The following RTTN variants were observed in gnomAD, a reference collection of about 807,000 sequenced individuals.
RTTN encodes the protein rotatin.
In RTTN, 182 loss-of-function variants were observed where a neutral mutation model predicts 269.2. That is an observed-to-expected ratio of 0.68 (90% confidence interval 0.60 to 0.76). The LOEUF is 0.76. Among genes scored for constraint, RTTN ranks in the 30% least tolerant of loss-of-function variants. RTTN has a pLI of 0.00. For synonymous variants in RTTN, 1,006 were observed against 963.5 expected, an observed-to-expected ratio of 1.04 and a Z score of -0.82; for missense variants, 2,545 against 2,608.6, an observed-to-expected ratio of 0.98 and a Z score of 0.53.
intron 28 of RTTN, among the ~76,000 whole-genome samples, chr18:70,094,003 T>C (rs569906059): frequency 6.6e-6 from 1 of 152,230 alleles, no homozygotes; most frequent in Non-Finnish European, 1.5e-5. Flanking sequence ...GGAATTCAAC[T>C]TCTTCCTGGT....
At chr18:70,182,091 A>G (rs2061433139) in intron 10 of RTTN, among the ~76,000 whole-genome samples, 2 of 152,210 alleles carry the variant, frequency 1.3e-5, no homozygotes, top group South Asian at 4.1e-4. Flanking sequence ...ATATGTGAAA[A>G]ATCTCCTAAA....
chr18:70,095,788 C>T (rs112927330), intron 28 of RTTN, among the ~76,000 whole-genome samples: 4,017 of 152,012 alleles, frequency 0.026, 187 homozygotes, highest in African/African-American at 0.092. Flanking sequence ...TTGCTCTTCT[C>T]GGGGAGCATG....
chr18:70,135,761 G>A (rs778675310), intron 21 of RTTN, among the ~76,000 whole-genome samples: 7 of 152,088 alleles, frequency 4.6e-5, no homozygotes, highest in Non-Finnish European at 7.4e-5. Context: ...GTTATCCTTG[G>A]GCTGTGTCAT....
chr18:70,150,110 T>C (rs765150041), intron 15 of RTTN, 23 bp from the exon 16 acceptor site: 2 of 1,498,724 alleles, frequency 1.3e-6, no homozygotes, highest in Non-Finnish European at 9.3e-7. Flanking sequence ...ACAGACCCGA[T>C]AAACCAGTCA....
chr18:70,143,661 G>C (rs1318097192), intron 18 of RTTN, among the ~76,000 whole-genome samples: 1 of 152,040 alleles, frequency 6.6e-6, no homozygotes, highest in African/African-American at 2.4e-5. Flanking sequence ...CTTAGTACCA[G>C]GGTGACGAAA....
chr18:70,134,398 A>T (rs2060071393), intron 23 of RTTN, 75 bp downstream of exon 23: 4 of 1,137,900 alleles, frequency 3.5e-6, no homozygotes, highest in Non-Finnish European at 5.2e-6. Context: ...AAATTGTGAC[A>T]AATTATAGAT....
chr18:70,041,421 C>G (rs763682874), intron 40 of RTTN, among the ~76,000 whole-genome samples: 2 of 151,320 alleles, frequency 1.3e-5, no homozygotes, highest in Non-Finnish European at 2.9e-5. Context: ...AACGAGAAAG[C>G]AGATGGATGA....
intron 23 of RTTN, chr18:70,130,573 A>C (rs2059973388): frequency 1.4e-5 from 2 of 143,894 alleles, no homozygotes; most frequent in African/African-American, 5.1e-5. Context: ...GTGGGAGCTA[A>C]AAAAAAAAAA....
intron 37 of RTTN, 131 bp downstream of exon 37, chr18:70,057,611 G>T: frequency 1.6e-6 from 1 of 628,970 alleles, no homozygotes; most frequent in Non-Finnish European, 2.8e-6. Flanking sequence ...AACGTATTTC[G>T]AATAATCTCA....
At chr18:70,086,776 A>G in intron 31 of RTTN, 92 bp from the exon 32 acceptor site, 1 of 1,176,822 alleles carries the variant, frequency 8.5e-7, no homozygotes, top group Non-Finnish European at 1.2e-6. Context: ...AATAACCAAT[A>G]TATTGTAATT....
At position 70,176,749 on chromosome 18, in the gene RTTN, G is replaced by A. The variant is rs770770297; in HGVS notation, c.1402C>T (p.His468Tyr). The stretch of plus-strand genomic sequence containing the variant: ...ATGCTGATAAAGGCCATTCTGTGGT[G>A]CACAAGCATCACCTCTGGCTGCTCC... Reference protein sequence around the residue: ...SLEQPEVMLVHHRMAFISISL... With the variant: ...SLEQPEVMLVYHRMAFISISL... The change falls in exon 11 of 49, where the codon CAC becomes TAC. Residue 468 changes from histidine to tyrosine, a missense_variant. Transcript: ENST00000640769. 2.5e-6 allele frequency: 4 copies of A among 1,613,986 alleles called. No homozygotes were observed. The highest frequency in any genetic ancestry group is 1.1e-5 in the South Asian group (1 of 91,062).
intron 38 of RTTN, among the ~76,000 whole-genome samples, chr18:70,051,865 T>C (rs943879353): frequency 1.4e-4 from 21 of 152,162 alleles, no homozygotes; most frequent in African/African-American, 5.1e-4. Flanking sequence ...GAACTACATA[T>C]TGGCACATTA....
At chr18:70,086,889 C>A (rs1157747823) in intron 31 of RTTN, among the ~76,000 whole-genome samples, 1 of 151,834 alleles carries the variant, frequency 6.6e-6, no homozygotes, top group Non-Finnish European at 1.5e-5. Context: ...AGGTAATGAC[C>A]TTGTTAGGTA....
chr18:70,074,638 T>C (rs2058381837), intron 33 of RTTN: 1 of 151,984 alleles, frequency 6.6e-6, no homozygotes, highest in South Asian at 2.1e-4. Context: ...TTTTGTACTA[T>C]TCCTGAAGCT....
chr18:70,049,102 T>C (rs957707227), intron 39 of RTTN, among the ~76,000 whole-genome samples: 1 of 152,212 alleles, frequency 6.6e-6, no homozygotes, highest in Non-Finnish European at 1.5e-5. Context: ...CAGCAAACTT[T>C]TTCTGTAAAG....
Position 70,140,101 on chromosome 18 carries a change from T to C in RTTN, c.2669A>G (p.Lys890Arg). ...TGTCTAGATGCACATTAGCCTTACCTTGCCATCTTGACTCACACATTCATT... is the reference window on the plus strand; with the variant it reads ...TGTCTAGATGCACATTAGCCTTACCCTGCCATCTTGACTCACACATTCATT... Reference protein sequence around the residue: ...YLNECVSQDGKVVECLVQPCL... With the variant: ...YLNECVSQDGRVVECLVQPCL... Residue 890 changes from lysine to arginine, a missense_variant and splice_region_variant, in exon 20 of 49, where the codon AAG (lysine) becomes AGG (arginine). Physicochemically the swap from Lys to Arg is conservative, Grantham distance 26. Coordinates refer to ENST00000640769, the MANE Select transcript of RTTN (RefSeq NM_173630.4). The C allele has an allele frequency of 6.3e-7, 1 of 1,581,760 alleles. No homozygotes were observed. Among genetic ancestry groups the C allele is most frequent in the Non-Finnish European group, 8.7e-7 (1 of 1,151,724 alleles).
chr18:70,157,624 G>A (rs1048526767), intron 14 of RTTN, among the ~76,000 whole-genome samples: 2 of 152,100 alleles, frequency 1.3e-5, no homozygotes, highest in East Asian at 1.9e-4. Flanking sequence ...AAACTGAAAT[G>A]GCTAAAATGA....
intron 26 of RTTN, among the ~76,000 whole-genome samples, chr18:70,121,099 C>G (rs2059725569): frequency 6.6e-6 from 1 of 151,932 alleles, no homozygotes; most frequent in African/African-American, 2.4e-5. Context: ...AGCTAAAAAT[C>G]TGACAGTAGT....
intron 40 of RTTN, among the ~76,000 whole-genome samples, chr18:70,033,619 G>A (rs1045517412): frequency 6.6e-6 from 1 of 152,146 alleles, no homozygotes. Flanking sequence ...ATATTGAAAA[G>A]TTAGGAAGAT....
Sources: gnomAD v4.1 joint callset for allele counts (sites outside exome capture counted in the v4.1 genomes callset) on GRCh38, gnomAD v4.1.1 for gene constraint, MANE v1.5 for transcripts, NCBI Gene and HGNC (gene_info 2026-07-23, HGNC 2026-07-21) for gene names.